Variants in CNNM2 observed in about 807,000 individuals in gnomAD.
The protein encoded by CNNM2 is cyclin and CBS domain divalent metal cation transport mediator 2, also known as metal transporter CNNM2.
In CNNM2, 12 loss-of-function variants were observed where a neutral mutation model predicts 66.9. The observed-to-expected ratio is 0.18, with a 90% CI of 0.11 to 0.29. CNNM2 has a LOEUF of 0.29. CNNM2 is among the 10% of genes least tolerant of loss of function. The pLI, the probability that CNNM2 is intolerant of heterozygous loss-of-function variation, is 1.00. For synonymous variants in CNNM2, 557 were observed against 501.8 expected, an observed-to-expected ratio of 1.11 and a Z score of -1.47; for missense variants, 705 against 1,167.7, an observed-to-expected ratio of 0.60 and a Z score of 5.77.
At chr10:102,997,342 G>C (rs2064022229) in intron 1 of CNNM2, among the ~76,000 whole-genome samples, 1 of 152,172 alleles carries the variant, frequency 6.6e-6, no homozygotes, top group Admixed American at 6.6e-5. Context: ...TTGAAAGATT[G>C]GAAATAGGTC....
chr10:102,932,352 AT>A (rs1271084099), intron 1 of CNNM2, among the ~76,000 whole-genome samples: 3 of 151,444 alleles, frequency 2.0e-5, no homozygotes, highest in Admixed American at 2.0e-4. Flanking sequence ...AACCAGCTCT[AT>A]TTTTTTTCTT....
At chr10:102,970,128 A>G (rs1431159517) in intron 1 of CNNM2, among the ~76,000 whole-genome samples, 5 of 152,182 alleles carry the variant, frequency 3.3e-5, no homozygotes. Context: ...GGAGTAAAGA[A>G]TTTTATTTTT....
At chr10:102,999,560 A>AT (rs1447727555) in intron 1 of CNNM2, among the ~76,000 whole-genome samples, 1 of 152,160 alleles carries the variant, frequency 6.6e-6, no homozygotes, top group East Asian at 1.9e-4. Context: ...CGACTCATGG[A>AT]TTCATGAATT....
chr10:103,073,280 C>G (rs1027913560), intron 6 of CNNM2, among the ~76,000 whole-genome samples: 3 of 152,240 alleles, frequency 2.0e-5, no homozygotes, highest in Non-Finnish European at 4.4e-5. Flanking sequence ...CCCCTAAAAT[C>G]CTTCTCAGGA....
rs2065824507 is a variant in CNNM2, at chr10:103,087,061, T to C, written c.*9881T>C. 2 of 150,698 alleles carry C rather than the reference T, an allele frequency of 1.3e-5. No homozygotes were observed. The highest frequency in any genetic ancestry group is 2.4e-5 in the African/African-American group (1 of 40,936). 9.3% of individuals were successfully genotyped at this position (150,698 alleles called of 1,614,324 possible). A position where few individuals can be genotyped will look rare whatever the true frequency, so the allele number is the denominator to read the frequency against. The stretch of plus-strand genomic sequence containing the variant: ...GTTGCCTGGTGTTCTACAATGCCTA[T>C]AGTGTTTTCAAAATGCCTGGGAAAA... On this transcript the variant is annotated 3_prime_UTR_variant, in exon 8 of 8. Transcript: ENST00000369878.
intron 1 of CNNM2, among the ~76,000 whole-genome samples, chr10:102,992,273 CTTTT>C (rs35281835): frequency 4.6e-5 from 5 of 108,480 alleles, no homozygotes; most frequent in Admixed American, 1.0e-4. Context: ...CTCCAAGTTC[CTTTT>C]TTTTTTTTTT....
intron 1 of CNNM2, among the ~76,000 whole-genome samples, chr10:102,978,656 C>T (rs2063674207): frequency 6.6e-6 from 1 of 152,154 alleles, no homozygotes; most frequent in Non-Finnish European, 1.5e-5. Flanking sequence ...TGTTTATAAG[C>T]ACACACAAAA....
chr10:103,052,149 C>T lies in CNNM2; in HGVS notation c.1766-2180C>T, dbSNP rs113462901. On this transcript the variant is annotated intron_variant, in intron 2 of 7. Transcript: ENST00000369878. ...TACAAAAATCAGCTGGGTGTGGTGGCGTGCGCCTGTAGTCCCAGCTGCTCG... is the reference window on the plus strand; with the variant it reads ...TACAAAAATCAGCTGGGTGTGGTGGTGTGCGCCTGTAGTCCCAGCTGCTCG... Among the ~76,000 whole-genome samples, 2,234 of 151,716 alleles carry T rather than the reference C, an allele frequency of 0.015. 57 individuals carry two copies. Among genetic ancestry groups the T allele is most frequent in the African/African-American group, 0.05 (2,081 of 41,404 alleles).
intron 6 of CNNM2, among the ~76,000 whole-genome samples, chr10:103,072,846 G>A (rs1440969915): frequency 2.0e-5 from 3 of 152,208 alleles, no homozygotes; most frequent in Non-Finnish European, 4.4e-5. Flanking sequence ...TACTTGTTGT[G>A]AATCCTTGTC....
chr10:102,981,003 C>T (rs1017855175), intron 1 of CNNM2, among the ~76,000 whole-genome samples: 5 of 152,148 alleles, frequency 3.3e-5, no homozygotes, highest in African/African-American at 1.2e-4. Flanking sequence ...AACTGCCAAC[C>T]TGTGCTGGCT....
At chr10:103,047,679 G>T (rs1412867179) in intron 1 of CNNM2, among the ~76,000 whole-genome samples, 3 of 152,064 alleles carry the variant, frequency 2.0e-5, no homozygotes, top group East Asian at 3.8e-4. Context: ...AAAATCTGTT[G>T]TTCTGTCTTA....
rs1024673458 is a variant in CNNM2, at chr10:102,936,706, A to C, written c.1621+16605A>C. 5.3e-5 allele frequency among the ~76,000 whole-genome samples: 8 copies of C among 152,182 alleles called. No individual in the cohort carries two copies. In the East Asian group the frequency reaches 1.5e-3, roughly 29 times the overall value. Reference sequence around the variant, plus strand: ...TATATACATACATTAACCTGCAACAACTAGAAGAACATTTACCAAAATATT... The same window carrying C: ...TATATACATACATTAACCTGCAACACCTAGAAGAACATTTACCAAAATATT... On this transcript the variant is annotated intron_variant, in intron 1 of 7. Coordinates refer to ENST00000369878, the MANE Select transcript of CNNM2 (RefSeq NM_017649.5).
chr10:102,944,084 C>CTT (rs199757273), intron 1 of CNNM2, among the ~76,000 whole-genome samples: 40 of 135,284 alleles, frequency 3.0e-4, no homozygotes, highest in Middle Eastern at 4.0e-3. Flanking sequence ...TTTCATAATT[C>CTT]TTTTTTTTTT....
rs1426156587 is a variant in CNNM2 at position 103,082,111 on chromosome 10, A to G, written c.*4931A>G. ...AGGTTTATATGTACACAGATCCAACACATACTGTAAGAAAGACTTGAGTAC... is the reference window on the plus strand; with the variant it reads ...AGGTTTATATGTACACAGATCCAACGCATACTGTAAGAAAGACTTGAGTAC... On this transcript the variant is annotated 3_prime_UTR_variant, in exon 8 of 8. Transcript: ENST00000369878. The G allele has an allele frequency of 6.6e-6, 1 of 152,262 alleles. No individual in the cohort carries two copies. The highest frequency in any genetic ancestry group is 1.5e-5 in the Non-Finnish European group (1 of 68,048). 9.4% of individuals were successfully genotyped at this position (152,262 alleles called of 1,614,324 possible). A position where few individuals can be genotyped will look rare whatever the true frequency, so the allele number is the denominator to read the frequency against.
chr10:102,922,145 G>A (rs1181362366), intron 1 of CNNM2, among the ~76,000 whole-genome samples: 1 of 152,154 alleles, frequency 6.6e-6, no homozygotes, highest in African/African-American at 2.4e-5. Context: ...CTAGAATGAT[G>A]TATTTGGTTA....
At position 103,056,809 on chromosome 10, in the gene CNNM2, A is replaced by G. The variant is rs2065303790; in HGVS notation, c.1918A>G (p.Ser640Gly). Residue 640 changes from serine to glycine, a missense_variant, in exon 4 of 8, where the codon AGC (serine) becomes GGC (glycine). Ser to Gly is a moderately conservative substitution (Grantham distance 56, BLOSUM62 0). Around this residue, in one of 9 missense-constraint regions of CNNM2, gnomAD observed 171 missense variants for 304.8 expected, o/e 0.56. Transcript: ENST00000369878. ...TATATCTATAGAAGTAGAAGCATTT[A>G]GCCCATCCCAGATGTCAGAGAAGAT... ...RFLATEVEAF[S>G]PSQMSEKILL... is the part of the protein sequence containing the mutation. 8 of 1,614,004 alleles carry G rather than the reference A, an allele frequency of 5.0e-6. No individual in the cohort carries two copies. Among genetic ancestry groups the G allele is most frequent in the Non-Finnish European group, 6.8e-6 (8 of 1,179,874 alleles).
rs2065813680 is a variant in CNNM2, at chr10:103,086,489, A to G, written c.*9309A>G. On this transcript the variant is annotated 3_prime_UTR_variant, in exon 8 of 8. Transcript: ENST00000369878. ...TGTCTCAGGCTATTCGTGGTGAATA[A>G]GCAGAGTATTTATTTTAAAATGACC... 1 of 152,228 alleles carries G rather than the reference A, an allele frequency of 6.6e-6. No individual in the cohort carries two copies. The highest frequency in any genetic ancestry group is 2.4e-5 in the African/African-American group (1 of 41,462). 9.4% of individuals were successfully genotyped at this position (152,228 alleles called of 1,614,324 possible).
rs1228290887 is a variant in CNNM2, at chr10:103,077,079, C to A, written c.2527C>A (p.His843Asn). ...TKIELTLTEL[H>N]DGLPDETANL... ...AATCGAATTGACTCTTACGGAGCTG[C>A]ATGACGGGTTGCCAGACGAGACAGC... Residue 843 changes from histidine (H) to asparagine (N), a missense_variant, in exon 8 of 8, where the codon CAT (histidine) becomes AAT (asparagine). Physicochemically the swap from His to Asn is moderately conservative, Grantham distance 68. Transcript: ENST00000369878. 1.9e-6 allele frequency: 3 copies of A among 1,613,990 alleles called. No homozygotes were observed. Among genetic ancestry groups the A allele is most frequent in the African/African-American group, 2.7e-5 (2 of 75,052 alleles).
chr10:102,998,715 C>T (rs969878699), intron 1 of CNNM2, among the ~76,000 whole-genome samples: 4 of 152,066 alleles, frequency 2.6e-5, no homozygotes, highest in Non-Finnish European at 5.9e-5. Flanking sequence ...GGGTGACTCA[C>T]GCCTGTAATC....
Sources: gnomAD v4.1 joint callset for allele counts (sites outside exome capture counted in the v4.1 genomes callset) on GRCh38, gnomAD v4.1.1 for gene constraint, gnomAD v4.1.1 regional missense constraint, MANE v1.5 for transcripts, NCBI Gene and HGNC (gene_info 2026-07-23, HGNC 2026-07-21) for gene names.